The following CTDSPL2 variants were observed in gnomAD, a reference collection of about 807,000 sequenced individuals.
The protein encoded by CTDSPL2 is CTD small phosphatase like 2, also known as CTD small phosphatase-like protein 2.
In CTDSPL2, 5 loss-of-function variants were observed where a neutral mutation model predicts 60.0. That is an observed-to-expected ratio of 0.08 (90% CI 0.04 to 0.18). The LOEUF is 0.18. Among genes scored for constraint, CTDSPL2 ranks in the 10% least tolerant of loss-of-function variants. CTDSPL2 has a pLI of 1.00. For synonymous variants in CTDSPL2, 186 were observed against 189.3 expected, an observed-to-expected ratio of 0.98 and a Z score of 0.14; for missense variants, 370 against 548.8, an observed-to-expected ratio of 0.67 and a Z score of 3.26.
intron 2 of CTDSPL2, among the ~76,000 whole-genome samples, chr15:44,469,386 C>T (rs1294340984): frequency 2.0e-5 from 3 of 152,172 alleles, no homozygotes; most frequent in Non-Finnish European, 4.4e-5. Context: ...TTGCCTATGG[C>T]TGTAGCTTGC....
chr15:44,500,049 T>G (rs1395526138), intron 8 of CTDSPL2, among the ~76,000 whole-genome samples: 1 of 152,208 alleles, frequency 6.6e-6, no homozygotes, highest in Non-Finnish European at 1.5e-5. Context: ...AGATCTCAGC[T>G]AGTTTCATAA....
intron 2 of CTDSPL2, among the ~76,000 whole-genome samples, chr15:44,480,485 CT>C (rs1398067970): frequency 6.6e-6 from 1 of 152,054 alleles, no homozygotes; most frequent in Non-Finnish European, 1.5e-5. Flanking sequence ...TTTTTCTTGC[CT>C]TTTCAGTTCT....
chr15:44,503,148 C>T (rs1049166184), intron 8 of CTDSPL2, among the ~76,000 whole-genome samples: 1 of 151,746 alleles, frequency 6.6e-6, no homozygotes, highest in African/African-American at 2.4e-5. Flanking sequence ...ACTTGTTAAA[C>T]GTGAGGAAAT....
rs2081081839 is a variant in CTDSPL2, at chr15:44,484,342, G to A, written c.305G>A (p.Arg102Gln). ...AACAAACAGATATCTCGAGTAAGAC[G>A]GAAAAGTCAAGTAAATGGAGGTTTG... ...KPNKQISRVR[R>Q]KSQVNGEAGS... Residue 102 changes from arginine to glutamine, a missense_variant, in exon 3 of 13, where the codon CGG becomes CAG. Around this residue, in one of 6 missense-constraint regions of CTDSPL2, gnomAD observed 287 missense variants for 296.1 expected, o/e 0.97. Coordinates refer to ENST00000260327, the MANE Select transcript of CTDSPL2 (RefSeq NM_016396.3). The A allele has an allele frequency of 6.2e-7, 1 of 1,613,138 alleles. No homozygotes were observed. The highest frequency in any genetic ancestry group is 8.5e-7 in the Non-Finnish European group (1 of 1,179,610).
chr15:44,458,190 A>G (rs1254284716), intron 1 of CTDSPL2, among the ~76,000 whole-genome samples: 1 of 152,242 alleles, frequency 6.6e-6, no homozygotes, highest in African/African-American at 2.4e-5. Context: ...AAACATAACT[A>G]AGTGACTACA....
intron 5 of CTDSPL2, among the ~76,000 whole-genome samples, chr15:44,493,382 T>G (rs748633856): frequency 6.6e-6 from 1 of 152,254 alleles, no homozygotes; most frequent in Non-Finnish European, 1.5e-5. Context: ...ACAGCTTATT[T>G]AAGCTTTTGA....
At position 44,513,613 on chromosome 15, in the gene CTDSPL2, C is replaced by G. The variant is rs116888412; in HGVS notation, c.970-985C>G. 6.2e-3 allele frequency among the ~76,000 whole-genome samples: 942 copies of G among 152,216 alleles called. 4 individuals carry two copies. Among genetic ancestry groups the G allele is most frequent in the Middle Eastern group, 0.017 (5 of 294 alleles). The stretch of plus-strand genomic sequence containing the variant: ...ATGCCAGAATTGAAACTCCACTAAG[C>G]CTGGGTTTGAATTTGTTGCTACCAC... On this transcript the variant is annotated intron_variant, in intron 8 of 12. Coordinates refer to ENST00000260327, the MANE Select transcript of CTDSPL2 (RefSeq NM_016396.3).
intron 2 of CTDSPL2, among the ~76,000 whole-genome samples, chr15:44,470,230 C>A (rs1446113215): frequency 1.3e-5 from 2 of 150,602 alleles, no homozygotes; most frequent in Non-Finnish European, 2.9e-5. Flanking sequence ...ACTTCATTAT[C>A]TGTCAATATT....
chr15:44,489,170 C>G (rs1185612958), intron 4 of CTDSPL2, among the ~76,000 whole-genome samples: 3 of 149,712 alleles, frequency 2.0e-5, no homozygotes, highest in Non-Finnish European at 3.0e-5. Context: ...CTCCCCCTGC[C>G]TTTCCCTGTC....
intron 8 of CTDSPL2, chr15:44,503,525 A>G (rs1440673539): frequency 1.3e-5 from 2 of 152,192 alleles, no homozygotes; most frequent in Non-Finnish European, 2.9e-5. Flanking sequence ...GAATCAAAAG[A>G]CATTTTTCAC....
At chr15:44,437,680 C>T (rs1422387210) in intron 1 of CTDSPL2, among the ~76,000 whole-genome samples, 1 of 152,078 alleles carries the variant, frequency 6.6e-6, no homozygotes, top group African/African-American at 2.4e-5. Flanking sequence ...TGAGTTAACT[C>T]GTGTGCCAGG....
At chr15:44,455,440 A>G (rs751360448) in intron 1 of CTDSPL2, among the ~76,000 whole-genome samples, 1 of 152,216 alleles carries the variant, frequency 6.6e-6, no homozygotes, top group Non-Finnish European at 1.5e-5. Context: ...TGCCCTGTCC[A>G]GAACTTCCAA....
chr15:44,446,849 G>A (rs113510985), intron 1 of CTDSPL2, among the ~76,000 whole-genome samples: 5,894 of 149,142 alleles, frequency 0.04, 167 homozygotes, highest in Middle Eastern at 0.077. Flanking sequence ...TCTGCTCTCG[G>A]ATTCAAGTGA....
At chr15:44,473,452 C>G (rs185871409) in intron 2 of CTDSPL2, among the ~76,000 whole-genome samples, 195 of 152,266 alleles carry the variant, frequency 1.3e-3, no homozygotes, top group Non-Finnish European at 2.5e-3. Flanking sequence ...CCCGCCACCA[C>G]GCCCAGCTAA....
intron 4 of CTDSPL2, among the ~76,000 whole-genome samples, chr15:44,490,579 T>G (rs1312524443): frequency 6.6e-6 from 1 of 152,216 alleles, no homozygotes; most frequent in African/African-American, 2.4e-5. Context: ...GCAGAAACTT[T>G]GCTCACAAAT....
chr15:44,470,923 A>G (rs974064548), intron 2 of CTDSPL2, among the ~76,000 whole-genome samples: 30 of 152,088 alleles, frequency 2.0e-4, no homozygotes, highest in African/African-American at 6.3e-4. Flanking sequence ...CCTATATCCT[A>G]TATTGACTTC....
intron 8 of CTDSPL2, among the ~76,000 whole-genome samples, chr15:44,502,854 G>A (rs1309135622): frequency 6.6e-6 from 1 of 151,986 alleles, no homozygotes. Context: ...CTTTGAGGTG[G>A]CCACTACTCA....
At position 44,526,503 on chromosome 15, in the gene CTDSPL2, A is replaced by T. The variant is rs906671859; in HGVS notation, c.*2329A>T. 3 of 152,156 alleles carry T rather than the reference A, an allele frequency of 2.0e-5. No individual in the cohort carries two copies. In the South Asian group the frequency reaches 6.2e-4, roughly 31 times the overall value. 9.4% of individuals were successfully genotyped at this position (152,156 alleles called of 1,614,324 possible). ...TTTAAGTCAGCTGATCAAGCATAAG[A>T]TACTTCCGTAAAGAAATAAACTAAG... is the stretch of plus-strand genomic sequence containing the variant. On this transcript the variant is annotated 3_prime_UTR_variant, in exon 13 of 13. Coordinates refer to ENST00000260327, the MANE Select transcript of CTDSPL2 (RefSeq NM_016396.3).
At chr15:44,503,802 T>A (rs1260157304) in intron 8 of CTDSPL2, 2 of 152,202 alleles carry the variant, frequency 1.3e-5, no homozygotes, top group Non-Finnish European at 2.9e-5. Context: ...TTTCTGAAGA[T>A]CAGTAAAATC....
Sources: allele counts gnomAD v4.1 joint callset (sites outside exome capture counted in the v4.1 genomes callset), GRCh38; gene constraint gnomAD v4.1.1; regional missense constraint gnomAD v4.1.1; transcripts MANE v1.5; gene names NCBI Gene and HGNC (gene_info 2026-07-23, HGNC 2026-07-21).